Variants in PDE10A observed in about 807,000 individuals in gnomAD.
PDE10A encodes the protein phosphodiesterase 10A, also known as cAMP and cAMP-inhibited cGMP 3',5'-cyclic phosphodiesterase 10A.
In PDE10A, 39 loss-of-function variants were observed where a neutral mutation model predicts 97.7. The ratio of observed to expected loss-of-function variants is 0.40; its 90% CI spans 0.31 to 0.52. The LOEUF (loss-of-function observed/expected upper bound fraction) is 0.52, where lower values mean the gene tolerates loss of function less well. Ranked by LOEUF, PDE10A falls within the 20% of genes least tolerant of loss-of-function variation. PDE10A has a pLI of 0.56. For synonymous variants in PDE10A, 371 were observed against 376.8 expected, an observed-to-expected ratio of 0.98 and a Z score of 0.18; for missense variants, 731 against 1,047.8, an observed-to-expected ratio of 0.70 and a Z score of 4.17.
intron 1 of PDE10A, among the ~76,000 whole-genome samples, chr6:165,784,120 A>AG (rs1162376098): frequency 6.6e-6 from 1 of 151,940 alleles, no homozygotes; most frequent in Non-Finnish European, 1.5e-5. Flanking sequence ...CGGGAGGCTG[A>AG]GGCAGGAGAA....
chr6:165,634,620 G>A (rs1307089548), intron 1 of PDE10A, among the ~76,000 whole-genome samples: 2 of 152,116 alleles, frequency 1.3e-5, no homozygotes, highest in East Asian at 3.8e-4. Flanking sequence ...ACAGAAGCAG[G>A]AAAGGAGATA....
At chr6:165,871,442 A>T (rs900826504) in intron 1 of PDE10A, among the ~76,000 whole-genome samples, 1 of 152,162 alleles carries the variant, frequency 6.6e-6, no homozygotes, top group Non-Finnish European at 1.5e-5. Flanking sequence ...TGACCTGGTG[A>T]GGTGAATGCA....
At chr6:165,372,549 C>A (rs931643006) in intron 18 of PDE10A, among the ~76,000 whole-genome samples, 2 of 147,236 alleles carry the variant, frequency 1.4e-5, no homozygotes, top group Non-Finnish European at 3.0e-5. Flanking sequence ...TCAAGGAGAA[C>A]GACAAACCAC....
At chr6:165,874,709 A>G (rs945788750) in intron 1 of PDE10A, among the ~76,000 whole-genome samples, 3 of 152,210 alleles carry the variant, frequency 2.0e-5, no homozygotes, top group Non-Finnish European at 4.4e-5. Context: ...GAAGTGGAAG[A>G]AGAATTAAAA....
chr6:165,404,361 G>C (rs1013452560), intron 13 of PDE10A, among the ~76,000 whole-genome samples: 4 of 152,126 alleles, frequency 2.6e-5, no homozygotes, highest in Non-Finnish European at 5.9e-5. Flanking sequence ...GAGGAGAGGA[G>C]CTGAACTGAG....
intron 1 of PDE10A, among the ~76,000 whole-genome samples, chr6:165,638,153 T>C (rs993354796): frequency 1.3e-5 from 2 of 152,140 alleles, no homozygotes. Context: ...AAATGCCTCA[T>C]TGGAAAGCCT....
chr6:165,776,528 C>T (rs1452292781), intron 1 of PDE10A, among the ~76,000 whole-genome samples: 1 of 152,146 alleles, frequency 6.6e-6, no homozygotes, highest in Non-Finnish European at 1.5e-5. Context: ...ATGCATATGC[C>T]GATCATTAGC....
intron 1 of PDE10A, among the ~76,000 whole-genome samples, chr6:165,832,476 T>C (rs752311239): frequency 6.6e-6 from 1 of 152,208 alleles, no homozygotes; most frequent in Non-Finnish European, 1.5e-5. Context: ...GGAAGCACAT[T>C]GAGTGGGGAC....
intron 18 of PDE10A, among the ~76,000 whole-genome samples, chr6:165,349,533 T>C (rs532697092): frequency 8.5e-5 from 13 of 152,250 alleles, no homozygotes; most frequent in African/African-American, 3.1e-4. Flanking sequence ...CCTGATGATG[T>C]GGTAGAAAAG....
At chr6:165,861,753 T>C (rs570825121) in intron 1 of PDE10A, among the ~76,000 whole-genome samples, 3 of 152,042 alleles carry the variant, frequency 2.0e-5, no homozygotes, top group Admixed American at 2.0e-4. Flanking sequence ...AGTTAGGGGA[T>C]CTGGGATAGA....
intron 1 of PDE10A, among the ~76,000 whole-genome samples, chr6:165,611,772 G>A (rs828571): frequency 0.16 from 23,987 of 152,222 alleles, 2,137 homozygotes; most frequent in African/African-American, 0.23. Context: ...TATGTTTATT[G>A]CATACAACCA....
chr6:165,382,331 C>A (rs929443807), intron 17 of PDE10A, among the ~76,000 whole-genome samples: 3 of 152,082 alleles, frequency 2.0e-5, no homozygotes, highest in Admixed American at 6.6e-5. Flanking sequence ...ATTAGGGAAC[C>A]ACCGCTTTTG....
At chr6:165,780,451 AAGTGTT>A (rs1441109515) in intron 1 of PDE10A, 1 of 152,224 alleles carries the variant, frequency 6.6e-6, no homozygotes, top group Non-Finnish European at 1.5e-5. Context: ...ATACTTATAA[AAGTGTT>A]AGGTGGAAAT....
chr6:165,716,904 T>C (rs138745371), intron 1 of PDE10A, among the ~76,000 whole-genome samples: 15 of 152,318 alleles, frequency 9.8e-5, no homozygotes, highest in African/African-American at 3.6e-4. Flanking sequence ...ATTAAGTACC[T>C]TCACACTGAT....
intron 1 of PDE10A, among the ~76,000 whole-genome samples, chr6:165,817,057 C>T (rs766719983): frequency 1.4e-4 from 22 of 152,140 alleles, no homozygotes; most frequent in African/African-American, 5.1e-4. Context: ...AGGAAAAAGC[C>T]AACAACCGTG....
Position 165,379,198 on chromosome 6 carries a change from G to T in PDE10A, c.2779C>A (p.His927Asn). The change falls in exon 18 of 22, where the codon CAT becomes AAT. Residue 927 changes from histidine (H) to asparagine (N), a missense_variant. By Grantham distance (68) the His-to-Asn change is moderately conservative (BLOSUM62 1). This residue lies in a region of PDE10A where 96 missense variants were observed against 156.7 expected (regional missense o/e 0.61). Transcript: ENST00000539869. The stretch of plus-strand genomic sequence containing the variant: ...GCTTTTAAAAATTATTTTTACCTAT[G>T]TGATTGATTATTAAGGTTTAGTGAT... ...TGSLNLNNQS[H>N]RDRVIGLMMT... The T allele has an allele frequency of 6.3e-7, 1 of 1,598,222 alleles. No homozygotes were observed.
At chr6:165,949,815 G>A (rs568153048) in intron 1 of PDE10A, 5 of 152,240 alleles carry the variant, frequency 3.3e-5, no homozygotes, top group South Asian at 4.1e-4. Context: ...ATGGAAAAAC[G>A]AACACATCCA....
intron 1 of PDE10A, among the ~76,000 whole-genome samples, chr6:165,850,664 G>A (rs755513092): frequency 2.0e-5 from 3 of 152,176 alleles, no homozygotes; most frequent in Non-Finnish European, 4.4e-5. Flanking sequence ...TGGCTGGGAA[G>A]GCAGCGCTCA....
rs372529634 is a variant in PDE10A, at chr6:165,766,627, G to A, written c.-615+220902C>T. Among the ~76,000 whole-genome samples, 9 of 152,286 alleles carry A rather than the reference G, an allele frequency of 5.9e-5. No homozygotes were observed. In the East Asian group the frequency reaches 1.2e-3, roughly 20 times the overall value. ...CGCTTTTATTGTTTATTAGTTATGT[G>A]GAAAACACACGTTCAGGCGGTGTCT... On this transcript the variant is annotated intron_variant, in intron 1 of 19. Transcript: ENST00000366882.
Sources: allele counts gnomAD v4.1 joint callset (sites outside exome capture counted in the v4.1 genomes callset), GRCh38; gene constraint gnomAD v4.1.1; regional missense constraint gnomAD v4.1.1; transcripts MANE v1.5; gene names NCBI Gene and HGNC (gene_info 2026-07-23, HGNC 2026-07-21).